PPIG: variants seen among roughly 807,000 people sequenced by gnomAD.
PPIG encodes peptidyl-prolyl cis-trans isomerase G.
PPIG carries 26 observed loss-of-function variants against 87.9 expected under a neutral mutation model. The ratio of observed to expected loss-of-function variants is 0.30; its 90% CI spans 0.22 to 0.41. PPIG has a LOEUF of 0.41. Ranked by LOEUF, PPIG falls within the 10% of genes least tolerant of loss-of-function variation. PPIG has a pLI of 1.00. For missense variants in PPIG, 722 were observed against 879.4 expected, an observed-to-expected ratio of 0.82 and a Z score of 2.26; for synonymous variants, 308 against 276.5, an observed-to-expected ratio of 1.11 and a Z score of -1.13.
chr2:169,622,795 A>G (rs1685791866), intron 9 of PPIG, among the ~76,000 whole-genome samples: 1 of 152,224 alleles, frequency 6.6e-6, no homozygotes, highest in East Asian at 1.9e-4. Context: ...TGCATCTTAC[A>G]TATAAGCAGA....
At chr2:169,632,523 C>T (rs1458320109) in intron 11 of PPIG, among the ~76,000 whole-genome samples, 15 of 151,994 alleles carry the variant, frequency 9.9e-5, no homozygotes, top group African/African-American at 3.1e-4. Flanking sequence ...GGGCAGATCA[C>T]GAGGTCAGGA....
chr2:169,603,166 A>G (rs907535314), intron 1 of PPIG, among the ~76,000 whole-genome samples: 3 of 152,216 alleles, frequency 2.0e-5, no homozygotes, highest in Non-Finnish European at 4.4e-5. Flanking sequence ...CGTACATAGC[A>G]TATGAAACTG....
chr2:169,584,640 G>A (rs1056597152), intron 1 of PPIG, 150 bp downstream of exon 1: 1 of 408,082 alleles, frequency 2.5e-6, no homozygotes, highest in African/African-American at 2.1e-5. Context: ...GGGGCTGCTT[G>A]GGCCCAGAGG....
intron 9 of PPIG, among the ~76,000 whole-genome samples, chr2:169,628,939 C>CAAAAAAAAAAAAAAAAAAAAAA (rs71006010): frequency 1.1e-5 from 1 of 92,332 alleles, no homozygotes; most frequent in African/African-American, 4.1e-5. Flanking sequence ...ACCCTGTCTC[C>CAAAAAAAAAAAAAAAAAAAAAA]AAAAAAAAAA....
intron 4 of PPIG, among the ~76,000 whole-genome samples, chr2:169,605,570 G>T (rs1255981003): frequency 6.6e-6 from 1 of 151,942 alleles, no homozygotes; most frequent in Non-Finnish European, 1.5e-5. Flanking sequence ...GGAGGCCGAG[G>T]TGGGTGGATC....
rs1312714669 is a variant in PPIG at position 169,638,161 on chromosome 2, A to G, written c.*638A>G. Reference sequence around the variant, plus strand: ...CTAGTTGTGTTTTACTTAACTGCCTATAAAAATCGTAAGAGTAATTTTTTT... The same window carrying G: ...CTAGTTGTGTTTTACTTAACTGCCTGTAAAAATCGTAAGAGTAATTTTTTT... On this transcript the variant is annotated 3_prime_UTR_variant, in exon 14 of 14. Coordinates refer to ENST00000260970, the MANE Select transcript of PPIG (RefSeq NM_004792.3). The G allele has an allele frequency of 4.6e-5, 7 of 152,096 alleles. 1 individual carries two copies. The allele number at this position is 152,096 out of a possible 1,614,324, so 9.4% of individuals were successfully genotyped here.
intron 9 of PPIG, among the ~76,000 whole-genome samples, chr2:169,624,905 G>A (rs1395198145): frequency 6.6e-6 from 1 of 152,066 alleles, no homozygotes; most frequent in Admixed American, 6.5e-5. Context: ...TAGGTTTTTT[G>A]AAGAGTCAGC....
chr2:169,591,321 A>G (rs1283681964), intron 1 of PPIG, among the ~76,000 whole-genome samples: 2 of 152,204 alleles, frequency 1.3e-5, no homozygotes, highest in African/African-American at 4.8e-5. Flanking sequence ...TGTTTGTTGC[A>G]GAAGTTTATA....
chr2:169,619,301 A>G (rs765655585), intron 9 of PPIG, among the ~76,000 whole-genome samples: 20 of 152,128 alleles, frequency 1.3e-4, no homozygotes, highest in Non-Finnish European at 2.6e-4. Flanking sequence ...TATGTGGTCA[A>G]TTTTAGAATA....
rs1040174808 is a variant in PPIG, at chr2:169,600,706, A to G, written c.-69-2936A>G. ...AAAAAAGAAAAAAATATATAATTGA[A>G]GATTTAAATTACATGCTTACCTGAG... On this transcript the variant is annotated intron_variant, in intron 1 of 13. Transcript: ENST00000260970. Among the ~76,000 whole-genome samples the G allele has an allele frequency of 5.9e-5, 9 of 152,148 alleles. No individual in the cohort carries two copies. The South Asian group carries it at 1.7e-3, about 28-fold the overall frequency.
rs779939593 is a variant in PPIG at position 169,606,165 on chromosome 2, A to G, written c.244+19A>G. On this transcript the variant is annotated intron_variant, in intron 5 of 13. Transcript: ENST00000260970. ...AGTGAAGGTGAGACTTGGAAAAATCATGTATTATTTTCTGTTAAATATCAC... is the reference window on the plus strand; with the variant it reads ...AGTGAAGGTGAGACTTGGAAAAATCGTGTATTATTTTCTGTTAAATATCAC... 1.3e-5 allele frequency: 20 copies of G among 1,525,796 alleles called. No individual in the cohort carries two copies. In the East Asian group the frequency reaches 3.6e-4, roughly 27 times the overall value. 94.5% of individuals were successfully genotyped at this position (1,525,796 alleles called of 1,614,324 possible).
intron 4 of PPIG, among the ~76,000 whole-genome samples, chr2:169,605,798 CA>C (rs529519418): frequency 1.4e-5 from 2 of 148,136 alleles, no homozygotes; most frequent in African/African-American, 5.0e-5. Context: ...GACTCTGTCT[CA>C]AAAAAAAACC....
intron 4 of PPIG, among the ~76,000 whole-genome samples, 153 bp downstream of exon 4, chr2:169,604,414 T>C (rs1685265174): frequency 6.9e-6 from 1 of 143,948 alleles, no homozygotes; most frequent in Non-Finnish European, 1.5e-5. Flanking sequence ...CATCAATCCT[T>C]ACACATAAGC....
intron 1 of PPIG, among the ~76,000 whole-genome samples, chr2:169,597,004 C>T (rs1193174970): frequency 6.6e-6 from 1 of 150,642 alleles, no homozygotes; most frequent in African/African-American, 2.4e-5. Context: ...ACCCAGCCCA[C>T]ATATTCTTTA....
intron 9 of PPIG, among the ~76,000 whole-genome samples, chr2:169,615,529 A>G (rs767915310): frequency 2.0e-4 from 31 of 152,106 alleles, no homozygotes; most frequent in Admixed American, 7.2e-4. Context: ...TGTGACTTCA[A>G]CGTTTTTAGA....
chr2:169,584,804 A>G (rs1005943358), intron 1 of PPIG: 1 of 298,250 alleles, frequency 3.4e-6, no homozygotes, highest in Non-Finnish European at 6.4e-6. Context: ...TTTGCCGCAC[A>G]AGCTGTAACA....
In PPIG at chr2:169,640,898, A is replaced by G. The variant is rs746115712; in HGVS notation, c.*3375A>G. 2.0e-5 allele frequency: 3 copies of G among 152,182 alleles called. No homozygotes were observed. Among genetic ancestry groups the G allele is most frequent in the Non-Finnish European group, 2.9e-5 (2 of 68,028 alleles). 9.4% of individuals were successfully genotyped at this position (152,182 alleles called of 1,614,324 possible). On this transcript the variant is annotated 3_prime_UTR_variant, in exon 14 of 14. Transcript: ENST00000260970. ...TTAAAGGAAAAGAAAAATGACATGA[A>G]TAAGAAAATTCCGTCAACAAGGTTG...
intron 9 of PPIG, among the ~76,000 whole-genome samples, chr2:169,619,047 T>C (rs1461104376): frequency 6.6e-6 from 1 of 152,214 alleles, no homozygotes. Flanking sequence ...AACACTACTT[T>C]AGCTGTGTCC....
chr2:169,600,667 AAAAC>A lies in PPIG; in HGVS notation c.-69-2971_-69-2968del, dbSNP rs1013165581. Among the ~76,000 whole-genome samples the A allele has an allele frequency of 4.6e-5, 7 of 152,132 alleles. No individual in the cohort carries two copies. In the East Asian group the frequency reaches 7.7e-4, roughly 17 times the overall value. On this transcript the variant is annotated intron_variant, in intron 1 of 13. Transcript: ENST00000260970. ...ACTTTAAAAATGTCATTGAAAAACA[AAAAC>A]AAAAATAAGAAAAAAGAAAAAAATA...
Sources: gnomAD v4.1 joint callset for allele counts (sites outside exome capture counted in the v4.1 genomes callset) on GRCh38, gnomAD v4.1.1 for gene constraint, MANE v1.5 for transcripts, NCBI Gene and HGNC (gene_info 2026-07-23, HGNC 2026-07-21) for gene names.